Variants in SNTG1 observed in about 807,000 individuals in gnomAD.
SNTG1 encodes syntrophin gamma 1, also known as gamma-1-syntrophin.
A neutral mutation model predicts 74.7 loss-of-function variants in SNTG1; 39 were observed. The observed-to-expected ratio is 0.52, with a 90% CI of 0.40 to 0.68. The LOEUF is 0.68. SNTG1 is among the 30% of genes least tolerant of loss of function. SNTG1 has a pLI of 0.00. For synonymous variants in SNTG1, 254 were observed against 217.1 expected, an observed-to-expected ratio of 1.17 and a Z score of -1.49; for missense variants, 685 against 609.5, an observed-to-expected ratio of 1.12 and a Z score of -1.30.
At chr8:50,436,796 T>C (rs2093308245) in intron 4 of SNTG1, among the ~76,000 whole-genome samples, 1 of 152,200 alleles carries the variant, frequency 6.6e-6, no homozygotes, top group Non-Finnish European at 1.5e-5. Context: ...ATACATAGTT[T>C]ATTTTAAATT....
intron 1 of SNTG1, among the ~76,000 whole-genome samples, chr8:50,109,679 G>T (rs796261370): frequency 2.0e-5 from 3 of 152,100 alleles, no homozygotes; most frequent in African/African-American, 7.2e-5. Context: ...GGAGATCCTC[G>T]GTTCTTGGTC....
intron 1 of SNTG1, among the ~76,000 whole-genome samples, chr8:50,151,341 G>A (rs1028905480): frequency 6.6e-6 from 1 of 151,854 alleles, no homozygotes; most frequent in African/African-American, 2.4e-5. Flanking sequence ...TATCAATTTT[G>A]TTGATCTTTT....
chr8:50,039,454 CAAAAAAAAAAAAAA>C (rs568678808), intron 1 of SNTG1, among the ~76,000 whole-genome samples: 58 of 46,148 alleles, frequency 1.3e-3, no homozygotes, highest in South Asian at 2.8e-3. Flanking sequence ...GACTCCGTCT[CAAAAAAAAAAAAAA>C]AAAAAAAAAA....
Position 50,219,484 on chromosome 8 carries a change from T to C in SNTG1, c.-28+46849T>C, listed in dbSNP as rs540057592. On this transcript the variant is annotated intron_variant, in intron 2 of 18. Transcript: ENST00000642720. ...CTACCTGAGACTGGGTAACTTATAA[T>C]GAAAAGAGGTTTAATTGGCTCATGG... Among the ~76,000 whole-genome samples the C allele has an allele frequency of 8.5e-5, 13 of 152,230 alleles. No homozygotes were observed. In the East Asian group the frequency reaches 9.6e-4, roughly 11 times the overall value.
rs77824046 is a variant in SNTG1, at chr8:50,447,664, C to A, written c.220-2004C>A. On this transcript the variant is annotated intron_variant, in intron 5 of 18. Transcript: ENST00000642720. ...ATTATTCCAGGCACTGGGTTTACAT[C>A]GATGCACAAAACAAACTACCAAAAA... Among the ~76,000 whole-genome samples the A allele has an allele frequency of 8.7e-4, 132 of 152,204 alleles. 2 individuals carry two copies. In the East Asian group the frequency reaches 0.024, roughly 28 times the overall value.
chr8:50,537,664 G>T (rs1157544208), intron 11 of SNTG1, among the ~76,000 whole-genome samples: 9 of 151,834 alleles, frequency 5.9e-5, no homozygotes, highest in African/African-American at 2.2e-4. Flanking sequence ...AAGTTTTTCA[G>T]CTTGAATTTT....
chr8:50,045,188 C>T (rs1470986160), intron 1 of SNTG1, among the ~76,000 whole-genome samples: 1 of 152,066 alleles, frequency 6.6e-6, no homozygotes, highest in East Asian at 1.9e-4. Flanking sequence ...CTGTTCTTTG[C>T]CTTACTATAA....
chr8:50,344,053 T>C (rs891335620), intron 2 of SNTG1, among the ~76,000 whole-genome samples: 21 of 152,182 alleles, frequency 1.4e-4, no homozygotes, highest in African/African-American at 5.1e-4. Context: ...AAAAGCAGCA[T>C]GGAAATTGAT....
At chr8:50,591,947 C>G (rs1343391556) in intron 13 of SNTG1, among the ~76,000 whole-genome samples, 1 of 152,184 alleles carries the variant, frequency 6.6e-6, no homozygotes, top group African/African-American at 2.4e-5. Context: ...AAGGCCCTTA[C>G]TTACAGTGTG....
intron 2 of SNTG1, among the ~76,000 whole-genome samples, chr8:50,291,416 G>A (rs79054467): frequency 0.069 from 10,510 of 152,096 alleles, 406 homozygotes; most frequent in African/African-American, 0.085. Context: ...ATCAAGTGGG[G>A]TAACTATTCT....
chr8:50,168,931 C>T (rs564468369), intron 1 of SNTG1, among the ~76,000 whole-genome samples: 18 of 152,258 alleles, frequency 1.2e-4, no homozygotes, highest in South Asian at 6.2e-4. Context: ...CAGAGTTATT[C>T]GGTTACACGT....
chr8:50,059,266 T>G (rs1820279693), intron 1 of SNTG1, among the ~76,000 whole-genome samples: 1 of 152,152 alleles, frequency 6.6e-6, no homozygotes, highest in Non-Finnish European at 1.5e-5. Flanking sequence ...ATGTTCATCA[T>G]TAAGATTGCC....
At chr8:50,583,703 A>C (rs1263419325) in intron 12 of SNTG1, among the ~76,000 whole-genome samples, 2 of 150,612 alleles carry the variant, frequency 1.3e-5, no homozygotes, top group African/African-American at 5.0e-5. Context: ...AGTAAATAGC[A>C]AAATGCTGAG....
At chr8:50,040,005 G>T (rs745974114) in intron 1 of SNTG1, among the ~76,000 whole-genome samples, 1 of 152,126 alleles carries the variant, frequency 6.6e-6, no homozygotes, top group Non-Finnish European at 1.5e-5. Flanking sequence ...TGCACACACT[G>T]ACTCTTGGAC....
chr8:50,544,414 C>T (rs1205101858), intron 11 of SNTG1, among the ~76,000 whole-genome samples: 1 of 151,856 alleles, frequency 6.6e-6, no homozygotes, highest in Non-Finnish European at 1.5e-5. Context: ...TTTAATCTTT[C>T]TTCTCATTTC....
chr8:50,493,488 G>A (rs767472934), intron 8 of SNTG1, among the ~76,000 whole-genome samples: 1 of 151,946 alleles, frequency 6.6e-6, no homozygotes. Context: ...AAAACAATTG[G>A]CAAACCTTCA....
At chr8:50,557,515 T>C (rs1287404348) in intron 12 of SNTG1, among the ~76,000 whole-genome samples, 1 of 152,186 alleles carries the variant, frequency 6.6e-6, no homozygotes, top group Admixed American at 6.5e-5. Context: ...CTGGACTCTG[T>C]AATGCAGAAG....
intron 18 of SNTG1, among the ~76,000 whole-genome samples, chr8:50,779,874 C>G (rs1194990758): frequency 2.6e-5 from 4 of 151,148 alleles, no homozygotes; most frequent in Non-Finnish European, 4.4e-5. Context: ...TGAGATATGT[C>G]CCATCAATAC....
chr8:50,244,947 T>C (rs1171641420), intron 2 of SNTG1, among the ~76,000 whole-genome samples: 1 of 152,218 alleles, frequency 6.6e-6, no homozygotes, highest in African/African-American at 2.4e-5. Flanking sequence ...AATTTTATTG[T>C]ACAGTTTAAA....
Sources: allele counts gnomAD v4.1 joint callset (sites outside exome capture counted in the v4.1 genomes callset), GRCh38; gene constraint gnomAD v4.1.1; transcripts MANE v1.5; gene names NCBI Gene and HGNC (gene_info 2026-07-23, HGNC 2026-07-21).